The following MICAL2 variants were observed in gnomAD, a reference collection of about 807,000 sequenced individuals.
MICAL2 encodes microtubule associated monooxygenase, calponin and LIM domain containing 2, also known as [F-actin]-monooxygenase MICAL2.
A neutral mutation model predicts 127.3 loss-of-function variants in MICAL2; 77 were observed. That is an observed-to-expected ratio of 0.60 (90% CI 0.50 to 0.73). The LOEUF (loss-of-function observed/expected upper bound fraction) is 0.73, where lower values mean the gene tolerates loss of function less well. MICAL2 is among the 30% of genes least tolerant of loss of function. MICAL2 has a pLI of 0.00. For missense variants in MICAL2, 1,351 were observed against 1,434.4 expected (o/e 0.94, Z 0.94); for synonymous variants, 570 against 551.1 (o/e 1.03, Z -0.48).
chr11:12,283,756 C>T (rs1361486282), intron 2 of MICAL2, among the ~76,000 whole-genome samples: 1 of 152,168 alleles, frequency 6.6e-6, no homozygotes, highest in Non-Finnish European at 1.5e-5. Context: ...AAAAAGACTT[C>T]GGGGACTACC....
intron 20 of MICAL2, 174 bp downstream of exon 20, chr11:12,242,946 T>A: frequency 2.0e-6 from 1 of 503,480 alleles, no homozygotes; most frequent in Non-Finnish European, 3.4e-6. Context: ...AAGACCCAAA[T>A]GCGAAGATTC....
At chr11:12,299,994 T>G (rs1476378224) in intron 29 of MICAL2, among the ~76,000 whole-genome samples, 1 of 152,192 alleles carries the variant, frequency 6.6e-6, no homozygotes, top group Admixed American at 6.5e-5. Flanking sequence ...GTGCTTGCTG[T>G]GTAGAATCTA....
chr11:12,357,579 C>T (rs1939147426), intron 34 of MICAL2, among the ~76,000 whole-genome samples: 1 of 152,180 alleles, frequency 6.6e-6, no homozygotes, highest in East Asian at 1.9e-4. Flanking sequence ...TGGTTCATGC[C>T]TGTAATCCCA....
chr11:12,276,094 T>A, exon 1 of MICAL2: 1 of 399,206 alleles, frequency 2.5e-6, no homozygotes, highest in Non-Finnish European at 4.4e-6. Flanking sequence ...TCAGTGAGGA[T>A]CAGCCCTGGG....
chr11:12,170,615 G>C (rs546084844), intron 3 of MICAL2, among the ~76,000 whole-genome samples: 1 of 152,302 alleles, frequency 6.6e-6, no homozygotes, highest in East Asian at 1.9e-4. Flanking sequence ...TGTCCTATTA[G>C]TGCTGAACAG....
intron 22 of MICAL2, chr11:12,254,798 G>T (rs1862086747): frequency 6.6e-6 from 1 of 151,346 alleles, no homozygotes; most frequent in African/African-American, 2.4e-5. Context: ...CACGGTGAAT[G>T]TAACAGTCCC....
intron 10 of MICAL2, 73 bp from the exon 11 acceptor site, chr11:12,222,544 A>G (rs1334983149): frequency 6.3e-7 from 1 of 1,592,378 alleles, no homozygotes; most frequent in South Asian, 1.1e-5. Flanking sequence ...GGAAGGGGGA[A>G]GTAGGGAAGG....
intron 29 of MICAL2, among the ~76,000 whole-genome samples, chr11:12,315,361 A>T (rs1357772595): frequency 6.6e-6 from 1 of 152,148 alleles, no homozygotes; most frequent in African/African-American, 2.4e-5. Flanking sequence ...TGAATCTTAC[A>T]AATTCTAATA....
At position 12,262,469 on chromosome 11, in the gene MICAL2, A is replaced by G; in HGVS notation, c.3335-11A>G. 6.2e-7 allele frequency: 1 copy of G among 1,613,578 alleles called. No homozygotes were observed. The highest frequency in any genetic ancestry group is 8.5e-7 in the Non-Finnish European group (1 of 1,179,990). On this transcript the variant is annotated splice_polypyrimidine_tract_variant and intron_variant, in intron 26 of 27. Coordinates refer to ENST00000683283, the MANE Select transcript of MICAL2 (RefSeq NM_001282663.2). Reference sequence around the variant, plus strand: ...TTCTCTCTCTTTCCAATCTTACGCCATGGCCATCAGTTCATTTCAGCCTTC... The same window carrying G: ...TTCTCTCTCTTTCCAATCTTACGCCGTGGCCATCAGTTCATTTCAGCCTTC...
intron 3 of MICAL2, among the ~76,000 whole-genome samples, chr11:12,178,726 ATT>A (rs11438609): frequency 1.4e-5 from 2 of 146,266 alleles, no homozygotes; most frequent in Middle Eastern, 3.3e-3. Context: ...TATTATTACT[ATT>A]TTTTTTTTTT....
chr11:12,233,698 G>A (rs1307783133), intron 15 of MICAL2, among the ~76,000 whole-genome samples: 3 of 152,114 alleles, frequency 2.0e-5, no homozygotes, highest in Non-Finnish European at 4.4e-5. Flanking sequence ...TTCTTAGGGC[G>A]GAAGAGCTGG....
At chr11:12,350,035 T>G in intron 33 of MICAL2, 1 of 864,110 alleles carries the variant, frequency 1.2e-6, no homozygotes, top group South Asian at 1.5e-5. Context: ...CTTTTTCTCC[T>G]TGTGCATACA....
intron 2 of MICAL2, among the ~76,000 whole-genome samples, chr11:12,160,084 G>T (rs1854604519): frequency 6.6e-6 from 1 of 152,168 alleles, no homozygotes; most frequent in Non-Finnish European, 1.5e-5. Context: ...TTCAAGCCAA[G>T]CATAGTGCCA....
chr11:12,183,472 C>G (rs1465046669), intron 3 of MICAL2, among the ~76,000 whole-genome samples: 1 of 152,230 alleles, frequency 6.6e-6, no homozygotes, highest in Non-Finnish European at 1.5e-5. Context: ...AGCCCAGAAT[C>G]TAACCGCCTG....
chr11:12,237,549 G>A (rs7938387), intron 16 of MICAL2, among the ~76,000 whole-genome samples: 81,811 of 152,024 alleles, frequency 0.54, 24,104 homozygotes, highest in Middle Eastern at 0.8. Flanking sequence ...TTCACCCATG[G>A]CTTATTTATT....
intron 3 of MICAL2, among the ~76,000 whole-genome samples, chr11:12,183,768 T>A (rs1857788737): frequency 6.6e-6 from 1 of 152,172 alleles, no homozygotes; most frequent in Non-Finnish European, 1.5e-5. Flanking sequence ...TGCATCCCAC[T>A]TATGGCTGTG....
intron 27 of MICAL2, 154 bp downstream of exon 27, chr11:12,262,691 G>A (rs1863292063): frequency 4.4e-6 from 3 of 681,266 alleles, no homozygotes; most frequent in Non-Finnish European, 2.6e-6. Context: ...CTAACAGCAT[G>A]GCGGGGGGTG....
In MICAL2 at chr11:12,219,918, G is replaced by A. The variant is rs891410791; in HGVS notation, c.949-283G>A. Among the ~76,000 whole-genome samples the A allele has an allele frequency of 1.2e-4, 18 of 152,252 alleles. No individual in the cohort carries two copies. In the Middle Eastern group the frequency reaches 0.014, roughly 115 times the overall value. On this transcript the variant is annotated intron_variant, in intron 8 of 27. Transcript: ENST00000683283. ...ATTGCCTCCCCTGAGGAATTTCTAC[G>A]CTTCCTTCTTTCTGATAAGGAGAGC...
At chr11:12,293,708 TACTGCCTGGTG>T, downstream of MICAL2, 10 of 1,613,148 alleles carry the variant, frequency 6.2e-6, no homozygotes, top group Non-Finnish European at 8.5e-6. Flanking sequence ...GTGGGCAGAG[TACTGCCTGGTG>T]AGCCCTGGTG....
Sources: gnomAD v4.1 joint callset for allele counts (sites outside exome capture counted in the v4.1 genomes callset) on GRCh38, gnomAD v4.1.1 for gene constraint, MANE v1.5 for transcripts, NCBI Gene and HGNC (gene_info 2026-07-23, HGNC 2026-07-21) for gene names.